The following DLG2 variants were observed in gnomAD, a reference collection of about 807,000 sequenced individuals.
DLG2 encodes disks large homolog 2.
A neutral mutation model predicts 132.5 loss-of-function variants in DLG2; 45 were observed. The observed-to-expected ratio is 0.34, with a 90% confidence interval of 0.27 to 0.44. DLG2 has a LOEUF of 0.44. Among genes scored for constraint, DLG2 ranks in the 20% least tolerant of loss-of-function variants. The pLI is 1.00. For missense variants in DLG2, 1,045 were observed against 1,196.9 expected, an observed-to-expected ratio of 0.87 and a Z score of 1.87; for synonymous variants, 424 against 419.6, an observed-to-expected ratio of 1.01 and a Z score of -0.13.
chr11:84,558,627 C>A (rs1291738598), intron 6 of DLG2, among the ~76,000 whole-genome samples: 1 of 152,092 alleles, frequency 6.6e-6, no homozygotes, highest in African/African-American at 2.4e-5. Flanking sequence ...CTTCACCTTC[C>A]TTTACTTTCT....
chr11:84,198,794 G>T (rs906359639), intron 8 of DLG2, among the ~76,000 whole-genome samples: 1 of 152,162 alleles, frequency 6.6e-6, no homozygotes, highest in Non-Finnish European at 1.5e-5. Context: ...AACATAGATA[G>T]TTGACTTTGC....
chr11:85,560,420 G>C (rs917386628), intron 3 of DLG2, among the ~76,000 whole-genome samples: 1 of 151,866 alleles, frequency 6.6e-6, no homozygotes, highest in Non-Finnish European at 1.5e-5. Flanking sequence ...ATGAACTACT[G>C]ATATAGGCTA....
intron 4 of DLG2, among the ~76,000 whole-genome samples, chr11:85,221,502 T>C (rs1235908137): frequency 6.6e-6 from 1 of 152,246 alleles, no homozygotes; most frequent in Admixed American, 6.5e-5. Context: ...GTCTGCACTA[T>C]AACTCAGCAT....
intron 7 of DLG2, among the ~76,000 whole-genome samples, chr11:84,460,105 T>A (rs548714130): frequency 1.3e-5 from 2 of 150,768 alleles, no homozygotes; most frequent in East Asian, 3.9e-4. Context: ...AGGATTAATA[T>A]GTTTTAGAAT....
At chr11:83,464,409 G>A (rs1811886285) in intron 26 of DLG2, among the ~76,000 whole-genome samples, 1 of 152,218 alleles carries the variant, frequency 6.6e-6, no homozygotes, top group African/African-American at 2.4e-5. Context: ...ACTCTCTGGG[G>A]AATGGGCAAT....
At position 83,689,965 on chromosome 11, in the gene DLG2, TATATTTA is replaced by T. The variant is rs1223658943; in HGVS notation, c.1826-56647_1826-56641del. On this transcript the variant is annotated intron_variant, in intron 18 of 27. Coordinates refer to ENST00000376104, the MANE Select transcript of DLG2 (RefSeq NM_001142699.3). ...ATATATTATATATATTTATATAATA[TATATTTA>T]TATTATAATATATTTATTATAATAT... Among the ~76,000 whole-genome samples, 735 of 126,262 alleles carry T rather than the reference TATATTTA, an allele frequency of 5.8e-3. 3 individuals carry two copies. Among genetic ancestry groups the T allele is most frequent in the African/African-American group, 0.021 (695 of 33,706 alleles). The allele number at this position is 126,262 out of a possible 152,430, so 82.8% of individuals were successfully genotyped here. A position where few individuals can be genotyped will look rare whatever the true frequency, so the allele number is the denominator to read the frequency against.
intron 18 of DLG2, among the ~76,000 whole-genome samples, chr11:83,775,690 G>T (rs1372819720): frequency 6.8e-6 from 1 of 146,934 alleles, no homozygotes; most frequent in African/African-American, 2.5e-5. Flanking sequence ...TAAAAACAGA[G>T]TTTATATAAA....
intron 6 of DLG2, among the ~76,000 whole-genome samples, chr11:84,747,165 AG>A (rs1396561557): frequency 1.3e-5 from 2 of 152,202 alleles, no homozygotes; most frequent in Non-Finnish European, 2.9e-5. Flanking sequence ...GGAAGAAGGG[AG>A]GGGACAAATG....
chr11:84,774,977 T>C (rs2070178136), intron 6 of DLG2, among the ~76,000 whole-genome samples: 1 of 152,056 alleles, frequency 6.6e-6, no homozygotes, highest in South Asian at 2.1e-4. Context: ...CAAAAGAAAC[T>C]ACCAACAGAG....
At chr11:84,949,229 G>A (rs542116546) in intron 6 of DLG2, among the ~76,000 whole-genome samples, 45 of 152,294 alleles carry the variant, frequency 3.0e-4, no homozygotes, top group African/African-American at 1.1e-3. Context: ...TTCAAAAGGG[G>A]AGGGAGTGTG....
chr11:83,913,196 C>T lies in DLG2; in HGVS notation c.1496+17132G>A, dbSNP rs138809467. ...GATTATAGCAGCTTTGTATGGAATG[C>T]TAATTGTTTTCCTGTCTGCTATGGT... is the stretch of plus-strand genomic sequence containing the variant. On this transcript the variant is annotated intron_variant, in intron 15 of 27. Transcript: ENST00000376104. Among the ~76,000 whole-genome samples the T allele has an allele frequency of 1.9e-3, 293 of 152,108 alleles. 1 individual carries two copies. Among genetic ancestry groups the T allele is most frequent in the African/African-American group, 6.6e-3 (276 of 41,508 alleles).
In DLG2 at chr11:84,816,573, A is replaced by T. The variant is rs189273076; in HGVS notation, c.358-281842T>A. Among the ~76,000 whole-genome samples, 3 of 152,104 alleles carry T rather than the reference A, an allele frequency of 2.0e-5. No individual in the cohort carries two copies. In the East Asian group the frequency reaches 5.8e-4, roughly 30 times the overall value. On this transcript the variant is annotated intron_variant, in intron 6 of 27. Transcript: ENST00000376104. ...TTTTGAGCATTTACTGGGTGCAAGA[A>T]TCTGTACTATGTACCTTATATACAG...
intron 3 of DLG2, among the ~76,000 whole-genome samples, chr11:85,593,512 TTG>T (rs1398203437): frequency 1.3e-5 from 2 of 152,298 alleles, no homozygotes; most frequent in East Asian, 3.9e-4. Context: ...ATCTCTCTTT[TTG>T]AAGATTACAG....
At position 83,633,254 on chromosome 11, in the gene DLG2, A is replaced by T; in HGVS notation, c.1897T>A (p.Ser633Thr). 6.2e-7 allele frequency: 1 copy of T among 1,613,670 alleles called. No homozygotes were observed. Reference protein sequence around the residue: ...QMMNHSMSSGSGSLRTNQKRS... With the variant: ...QMMNHSMSSGTGSLRTNQKRS... ...TTCTGATTGGTTCGCAGGGATCCGGACCCGGAGCTCATGCTGTGGTTCATC... is the reference window on the plus strand; with the variant it reads ...TTCTGATTGGTTCGCAGGGATCCGGTCCCGGAGCTCATGCTGTGGTTCATC... The change falls in exon 19 of 28, where the codon TCC becomes ACC. Residue 633 changes from serine to threonine, a missense_variant. By Grantham distance (58) the Ser-to-Thr change is moderately conservative. Transcript: ENST00000376104.
chr11:84,163,388 A>G, intron 9 of DLG2, 73 bp downstream of exon 9: 1 of 1,348,128 alleles, frequency 7.4e-7, no homozygotes, highest in Middle Eastern at 2.1e-4. Context: ...ATTTCACAAG[A>G]CAACTCATTA....
chr11:84,607,470 G>A (rs1010462097), intron 6 of DLG2, among the ~76,000 whole-genome samples: 4 of 152,034 alleles, frequency 2.6e-5, no homozygotes, highest in Non-Finnish European at 5.9e-5. Flanking sequence ...TTTTGGGGGG[G>A]CAGGGAGAGC....
At chr11:84,434,188 A>G (rs2154474511) in intron 7 of DLG2, among the ~76,000 whole-genome samples, 1 of 152,264 alleles carries the variant, frequency 6.6e-6, no homozygotes, top group East Asian at 1.9e-4. Flanking sequence ...ATAGAGGACA[A>G]AGAATGTAAA....
At chr11:85,210,895 C>A (rs1314270774) in intron 4 of DLG2, among the ~76,000 whole-genome samples, 2 of 152,080 alleles carry the variant, frequency 1.3e-5, no homozygotes, top group Admixed American at 6.6e-5. Flanking sequence ...GCATAATAGC[C>A]TGAAGGCTCT....
intron 7 of DLG2, among the ~76,000 whole-genome samples, chr11:84,425,441 T>TC (rs2098963253): frequency 6.6e-6 from 1 of 152,148 alleles, no homozygotes; most frequent in Admixed American, 6.6e-5. Context: ...CCTGCTTTTT[T>TC]CAAAACACTC....
Sources: allele counts gnomAD v4.1 joint callset (sites outside exome capture counted in the v4.1 genomes callset), GRCh38; gene constraint gnomAD v4.1.1; transcripts MANE v1.5; gene names NCBI Gene and HGNC (gene_info 2026-07-23, HGNC 2026-07-21).